DDX1: variants seen among roughly 807,000 people sequenced by gnomAD.
DDX1 encodes ATP-dependent RNA helicase DDX1.
In DDX1, 28 loss-of-function variants were observed where a neutral mutation model predicts 108.7. The observed-to-expected ratio is 0.26, with a 90% CI of 0.19 to 0.35. The LOEUF (loss-of-function observed/expected upper bound fraction) is 0.35, where lower values mean the gene tolerates loss of function less well. DDX1 is among the 10% of genes least tolerant of loss of function. The probability of loss-of-function intolerance (pLI) is 1.00; values close to 1 mark genes in which losing one functional copy is unlikely to be tolerated. For synonymous variants in DDX1, 295 were observed against 288.9 expected, an observed-to-expected ratio of 1.02 and a Z score of -0.21; for missense variants, 710 against 884.5, an observed-to-expected ratio of 0.80 and a Z score of 2.50.
At chr2:15,597,550 G>A (rs2148736947) in intron 5 of DDX1, 79 bp downstream of exon 5, 2 of 967,812 alleles carry the variant, frequency 2.1e-6, no homozygotes, top group African/African-American at 1.7e-5. Flanking sequence ...TGAGATTTGG[G>A]TATGCATTTT....
intron 23 of DDX1, 114 bp from the exon 24 acceptor site, chr2:15,629,488 A>G: frequency 1.5e-6 from 1 of 685,884 alleles, no homozygotes; most frequent in Middle Eastern, 3.1e-4. Flanking sequence ...CATACCTATA[A>G]TCTATTTTTC....
chr2:15,608,668 T>G lies in DDX1; in HGVS notation c.956+1355T>G, dbSNP rs1028210667. Among the ~76,000 whole-genome samples, 248 of 93,022 alleles carry G rather than the reference T, an allele frequency of 2.7e-3. 1 individual carries two copies. The highest frequency in any genetic ancestry group is 6.0e-3 in the South Asian group (15 of 2,518). The allele number at this position is 93,022 out of a possible 152,430, so 61.0% of individuals were successfully genotyped here. ...AAGCCTGTGTTTTTTTTTAGGTTTT[T>G]TTTTTTTTTTTTTTTTTATGAAGTC... On this transcript the variant is annotated intron_variant, in intron 13 of 25. Coordinates refer to ENST00000233084, the MANE Select transcript of DDX1 (RefSeq NM_004939.3).
At chr2:15,624,497 G>A (rs1666066212) in intron 19 of DDX1, among the ~76,000 whole-genome samples, 1 of 152,144 alleles carries the variant, frequency 6.6e-6, no homozygotes, top group Admixed American at 6.5e-5. Flanking sequence ...TCTTTACATG[G>A]CAGCAGGAAG....
At chr2:15,599,741 C>T in intron 6 of DDX1, 25 bp downstream of exon 6, 1 of 1,559,596 alleles carries the variant, frequency 6.4e-7, no homozygotes, top group Non-Finnish European at 8.7e-7. Flanking sequence ...TTTCCATCAG[C>T]TCATTTGTAA....
chr2:15,612,301 G>C (rs1349577115), intron 13 of DDX1, among the ~76,000 whole-genome samples: 1 of 151,194 alleles, frequency 6.6e-6, no homozygotes, highest in East Asian at 2.0e-4. Flanking sequence ...GTCGCGGCCG[G>C]GTAGAGGCGC....
intron 14 of DDX1, among the ~76,000 whole-genome samples, chr2:15,614,194 A>G (rs1004782840): frequency 6.6e-6 from 1 of 152,208 alleles, no homozygotes; most frequent in Non-Finnish European, 1.5e-5. Context: ...TCGTGTGTGA[A>G]ATAACTTACA....
At chr2:15,614,015 T>G (rs1282463259) in intron 14 of DDX1, among the ~76,000 whole-genome samples, 1 of 152,042 alleles carries the variant, frequency 6.6e-6, no homozygotes, top group Non-Finnish European at 1.5e-5. Flanking sequence ...TTTTTGTATT[T>G]TCACCATGTT....
At chr2:15,608,670 T>TTG (rs1337911416) in intron 13 of DDX1, among the ~76,000 whole-genome samples, 3 of 145,366 alleles carry the variant, frequency 2.1e-5, no homozygotes, top group Non-Finnish European at 3.0e-5. Flanking sequence ...TAGGTTTTTT[T>TTG]TTTTTTTTTT....
At chr2:15,617,190 GTAAT>G in intron 14 of DDX1, 50 bp from the exon 15 acceptor site, 1 of 837,148 alleles carries the variant, frequency 1.2e-6, no homozygotes, top group Non-Finnish European at 1.8e-6. Flanking sequence ...CTATTTTAAC[GTAAT>G]TATACTGTTT....
At chr2:15,625,212 A>G (rs934896568) in intron 19 of DDX1, among the ~76,000 whole-genome samples, 4 of 148,762 alleles carry the variant, frequency 2.7e-5, no homozygotes, top group African/African-American at 9.7e-5. Context: ...ACTCAAGAAT[A>G]TACACTGTAT....
chr2:15,608,946 G>A (rs1267994707), intron 13 of DDX1, among the ~76,000 whole-genome samples: 6 of 148,032 alleles, frequency 4.1e-5, no homozygotes, highest in Non-Finnish European at 8.9e-5. Flanking sequence ...ATTGATGCAT[G>A]TTCCTTATTC....
Position 15,611,463 on chromosome 2 carries a change from G to A in DDX1, c.957-1761G>A, listed in dbSNP as rs1457918749. 2.7e-4 allele frequency among the ~76,000 whole-genome samples: 39 copies of A among 146,642 alleles called. 1 individual carries two copies. The highest frequency in any genetic ancestry group is 9.6e-4 in the African/African-American group (37 of 38,406). On this transcript the variant is annotated intron_variant, in intron 13 of 25. Coordinates refer to ENST00000233084, the MANE Select transcript of DDX1 (RefSeq NM_004939.3). Reference sequence around the variant, plus strand: ...TCCTCACCTCCCAGTAGGGACGGCCGGGCAGAGGCTCCCCCCACCTCCCGG... The same window carrying A: ...TCCTCACCTCCCAGTAGGGACGGCCAGGCAGAGGCTCCCCCCACCTCCCGG...
chr2:15,616,143 G>A (rs897916639), intron 14 of DDX1, among the ~76,000 whole-genome samples: 3 of 151,968 alleles, frequency 2.0e-5, no homozygotes, highest in Admixed American at 6.6e-5. Flanking sequence ...GAACTCCTGA[G>A]CTCAGGCAAT....
At chr2:15,609,312 G>C (rs139638400) in intron 13 of DDX1, among the ~76,000 whole-genome samples, 225 of 152,308 alleles carry the variant, frequency 1.5e-3, no homozygotes, top group African/African-American at 5.2e-3. Flanking sequence ...GTAAAGTCAT[G>C]GGCCACTTGT....
chr2:15,625,194 G>T (rs941036028), intron 19 of DDX1, among the ~76,000 whole-genome samples: 1 of 151,830 alleles, frequency 6.6e-6, no homozygotes, highest in African/African-American at 2.4e-5. Flanking sequence ...CCAAATGAAA[G>T]AATTCTTACT....
Position 15,596,789 on chromosome 2 carries a change from C to T in DDX1, c.162+26C>T, listed in dbSNP as rs767118982. ...GTAAGTAATAAATTATATTTACTTT[C>T]TCTCTAAAAGTTGAATTTTAAAATA... is the stretch of plus-strand genomic sequence containing the variant. On this transcript the variant is annotated intron_variant, in intron 4 of 25. Coordinates refer to ENST00000233084, the MANE Select transcript of DDX1 (RefSeq NM_004939.3). 1.9e-6 allele frequency: 3 copies of T among 1,578,220 alleles called. No individual in the cohort carries two copies. The African/African-American group carries it at 4.1e-5, about 21-fold the overall frequency.
chr2:15,609,410 C>T (rs1665718745), intron 13 of DDX1, among the ~76,000 whole-genome samples: 1 of 152,236 alleles, frequency 6.6e-6, no homozygotes, highest in African/African-American at 2.4e-5. Context: ...CTGTCCCAGC[C>T]CAGCCATCTG....
chr2:15,620,588 A>G (rs1361433046), intron 17 of DDX1, among the ~76,000 whole-genome samples, 192 bp downstream of exon 17: 2 of 152,184 alleles, frequency 1.3e-5, no homozygotes, highest in East Asian at 3.8e-4. Flanking sequence ...CTGTCTTCGT[A>G]ATATTACTTT....
chr2:15,629,494 T>G (rs1666157392), intron 23 of DDX1, 108 bp from the exon 24 acceptor site: 1 of 728,244 alleles, frequency 1.4e-6, no homozygotes, highest in African/African-American at 1.9e-5. Context: ...TATAATCTAT[T>G]TTTCTAGTGC....
Sources: allele counts gnomAD v4.1 joint callset (sites outside exome capture counted in the v4.1 genomes callset), GRCh38; gene constraint gnomAD v4.1.1; transcripts MANE v1.5; gene names NCBI Gene and HGNC (gene_info 2026-07-23, HGNC 2026-07-21).